The following PTPRM variants were observed in gnomAD, a reference collection of about 807,000 sequenced individuals.
PTPRM encodes the protein receptor-type tyrosine-protein phosphatase mu.
PTPRM carries 47 observed loss-of-function variants against 186.7 expected under a neutral mutation model. The ratio of observed to expected loss-of-function variants is 0.25; its 90% CI spans 0.20 to 0.32. PTPRM has a LOEUF of 0.32. Among genes scored for constraint, PTPRM ranks in the 10% least tolerant of loss-of-function variants. The pLI is 1.00. For missense variants in PTPRM, 1,494 were observed against 1,865.0 expected (o/e 0.80, Z 3.66); for synonymous variants, 668 against 674.9 (o/e 0.99, Z 0.16).
At chr18:8,048,210 G>A (rs1291151023) in intron 7 of PTPRM, among the ~76,000 whole-genome samples, 1 of 152,040 alleles carries the variant, frequency 6.6e-6, no homozygotes, top group East Asian at 1.9e-4. Context: ...ACATTAAAAT[G>A]GAACAAATTT....
At chr18:7,600,342 T>C (rs1163835461) in intron 1 of PTPRM, among the ~76,000 whole-genome samples, 1 of 152,188 alleles carries the variant, frequency 6.6e-6, no homozygotes, top group East Asian at 1.9e-4. Flanking sequence ...ACATCGGCTT[T>C]TTCATGATCA....
At chr18:7,951,984 T>G (rs2052989056) in intron 6 of PTPRM, among the ~76,000 whole-genome samples, 1 of 152,136 alleles carries the variant, frequency 6.6e-6, no homozygotes, top group African/African-American at 2.4e-5. Context: ...ACCAAGTCCT[T>G]TAATTGACTA....
At chr18:8,079,514 A>G (rs2090011884) in intron 9 of PTPRM, among the ~76,000 whole-genome samples, 6 of 152,192 alleles carry the variant, frequency 3.9e-5, no homozygotes, top group Admixed American at 3.9e-4. Flanking sequence ...AAATTTTACA[A>G]GGTAGAAACT....
intron 16 of PTPRM, 75 bp downstream of exon 16, chr18:8,247,994 C>T (rs996791957): frequency 7.1e-7 from 1 of 1,404,172 alleles, no homozygotes; most frequent in African/African-American, 1.4e-5. Context: ...TCTCTGCTAT[C>T]CCTGGTGCTT....
rs185372419 is a variant in PTPRM at position 7,877,677 on chromosome 18, A to G, written c.197-10429A>G. On this transcript the variant is annotated intron_variant, in intron 2 of 32. Transcript: ENST00000580170. ...AGGACATACAAGGTGTGACTGAGTC[A>G]AGATCCTAATTCAGGTTGTTTGGCT... Among the ~76,000 whole-genome samples the G allele has an allele frequency of 4.8e-3, 733 of 152,346 alleles. 4 individuals are homozygous for G. Among genetic ancestry groups the G allele is most frequent in the South Asian group, 0.019 (91 of 4,826 alleles).
Position 8,338,829 on chromosome 18 carries a change from T to G in PTPRM, c.2957-4594T>G, listed in dbSNP as rs145613722. Among the ~76,000 whole-genome samples the G allele has an allele frequency of 1.5e-4, 23 of 152,352 alleles. No homozygotes were observed. In the East Asian group the frequency reaches 4.2e-3, roughly 28 times the overall value. On this transcript the variant is annotated intron_variant, in intron 22 of 32. Coordinates refer to ENST00000580170, the MANE Select transcript of PTPRM (RefSeq NM_001105244.2). ...ACTTCAAAAAACTCGAAAATGCCAC[T>G]GTGAGCTTAAGGGACCTTGACTTCT...
In PTPRM at chr18:8,240,481, A is replaced by G. The variant is rs868714293; in HGVS notation, c.2301-3577A>G. Among the ~76,000 whole-genome samples the G allele has an allele frequency of 8.3e-3, 179 of 21,592 alleles. 5 individuals carry two copies. Among genetic ancestry groups the G allele is most frequent in the East Asian group, 0.017 (22 of 1,302 alleles). 14.2% of individuals were successfully genotyped at this position (21,592 alleles called of 152,430 possible). A position where few individuals can be genotyped will look rare whatever the true frequency, so the allele number is the denominator to read the frequency against. On this transcript the variant is annotated intron_variant, in intron 14 of 32. Transcript: ENST00000580170. The stretch of plus-strand genomic sequence containing the variant: ...AGAGAGAGAGGGAGGGAGGGAGGGG[A>G]GGAGAGAGAGAGAGAGAGAGGAAGG...
intron 14 of PTPRM, among the ~76,000 whole-genome samples, chr18:8,177,202 T>C (rs1476392652): frequency 6.6e-6 from 1 of 152,230 alleles, no homozygotes; most frequent in Non-Finnish European, 1.5e-5. Context: ...GTGTACACTT[T>C]CTCAGCCAAC....
chr18:8,338,377 A>AAAAG (rs1433627163), intron 22 of PTPRM, among the ~76,000 whole-genome samples: 2 of 151,490 alleles, frequency 1.3e-5, no homozygotes, highest in East Asian at 3.9e-4. Context: ...ATGCTTAAAA[A>AAAAG]AAAAACACCT....
chr18:7,635,924 T>G (rs1345627994), intron 1 of PTPRM, among the ~76,000 whole-genome samples: 1 of 152,358 alleles, frequency 6.6e-6, no homozygotes, highest in East Asian at 1.9e-4. Context: ...TTGATAGAGT[T>G]ACCCATTGGG....
At position 8,102,616 on chromosome 18, in the gene PTPRM, C is replaced by A. The variant is rs78755650; in HGVS notation, c.1857-10870C>A. Among the ~76,000 whole-genome samples, 812 of 152,312 alleles carry A rather than the reference C, an allele frequency of 5.3e-3. 6 individuals are homozygous for A. The highest frequency in any genetic ancestry group is 0.01 in the Middle Eastern group (3 of 294). ...ATGTCCTCAGGCTCCACTTCTAATT[C>A]TAGTTGTTCTTTCCACCACATCTGA... is the stretch of plus-strand genomic sequence containing the variant. On this transcript the variant is annotated intron_variant, in intron 11 of 32. Coordinates refer to ENST00000580170, the MANE Select transcript of PTPRM (RefSeq NM_001105244.2).
chr18:8,191,997 A>C (rs1381453210), intron 14 of PTPRM, among the ~76,000 whole-genome samples: 1 of 152,004 alleles, frequency 6.6e-6, no homozygotes, highest in Non-Finnish European at 1.5e-5. Context: ...AAAAAACTGA[A>C]ATGAAATCTT....
intron 1 of PTPRM, among the ~76,000 whole-genome samples, chr18:7,570,291 A>G (rs1357785136): frequency 6.6e-6 from 1 of 152,196 alleles, no homozygotes. Flanking sequence ...TCTGAATGCT[A>G]GGAGTGGCAT....
chr18:8,099,278 G>C (rs1268248533), intron 11 of PTPRM, among the ~76,000 whole-genome samples: 2 of 152,038 alleles, frequency 1.3e-5, no homozygotes, highest in African/African-American at 4.8e-5. Flanking sequence ...CTCCCAGAGA[G>C]CTCAGCCCTA....
At chr18:7,628,112 C>G (rs562861349) in intron 1 of PTPRM, among the ~76,000 whole-genome samples, 1 of 152,172 alleles carries the variant, frequency 6.6e-6, no homozygotes, top group East Asian at 1.9e-4. Flanking sequence ...GAGATTGCAC[C>G]ACTGAACTCC....
At chr18:7,582,802 C>A (rs887362351) in intron 1 of PTPRM, among the ~76,000 whole-genome samples, 1 of 152,186 alleles carries the variant, frequency 6.6e-6, no homozygotes, top group South Asian at 2.1e-4. Flanking sequence ...TAGGGTCAAT[C>A]GGTGGCATTC....
intron 1 of PTPRM, among the ~76,000 whole-genome samples, chr18:7,663,237 A>T (rs2039019221): frequency 2.0e-5 from 3 of 152,142 alleles, no homozygotes; most frequent in Admixed American, 6.5e-5. Context: ...ATCATTGCAC[A>T]CTTTCCAACT....
chr18:7,608,617 C>T (rs138163163), intron 1 of PTPRM, among the ~76,000 whole-genome samples: 228 of 151,940 alleles, frequency 1.5e-3, no homozygotes, highest in African/African-American at 5.2e-3. Flanking sequence ...GTCAGATTTC[C>T]TTTGGATTTT....
chr18:8,165,466 C>T (rs990614354), intron 14 of PTPRM, among the ~76,000 whole-genome samples: 12 of 152,078 alleles, frequency 7.9e-5, no homozygotes, highest in Admixed American at 5.9e-4. Context: ...AGCATGTCAC[C>T]GGCAGTATTC....
Sources: gnomAD v4.1 joint callset for allele counts (sites outside exome capture counted in the v4.1 genomes callset) on GRCh38, gnomAD v4.1.1 for gene constraint, MANE v1.5 for transcripts, NCBI Gene and HGNC (gene_info 2026-07-23, HGNC 2026-07-21) for gene names.